Variants in CPLX1 observed in about 807,000 individuals in gnomAD.
CPLX1 encodes the protein complexin 1.
CPLX1 carries 6 observed loss-of-function variants against 15.6 expected under a neutral mutation model. The ratio of observed to expected loss-of-function variants is 0.39; its 90% confidence interval spans 0.21 to 0.76. The LOEUF (loss-of-function observed/expected upper bound fraction) is 0.76. Among genes scored for constraint, CPLX1 ranks in the 30% least tolerant of loss-of-function variants. CPLX1 has a pLI of 0.43. For synonymous variants in CPLX1, 91 were observed against 75.2 expected (o/e 1.21, Z -1.08); for missense variants, 242 against 188.6 (o/e 1.28, Z -1.66).
In CPLX1 at chr4:824,617, G is replaced by A. The variant is rs773373389; in HGVS notation, c.-79-16C>T. The A allele has an allele frequency of 1.5e-6, 2 of 1,341,938 alleles. No homozygotes were observed. The highest frequency in any genetic ancestry group is 2.3e-5 in the East Asian group (1 of 43,594). 83.1% of individuals were successfully genotyped at this position (1,341,938 alleles called of 1,614,324 possible). ...AGTGTTCTTCCTGGGGGAGAGTGAAGTGGTCACAGGTCACCCTAAGCAGGC... is the reference window on the plus strand; with the variant it reads ...AGTGTTCTTCCTGGGGGAGAGTGAAATGGTCACAGGTCACCCTAAGCAGGC... On this transcript the variant is annotated splice_polypyrimidine_tract_variant and intron_variant, in intron 1 of 3. Transcript: ENST00000304062.
intron 2 of CPLX1, among the ~76,000 whole-genome samples, chr4:808,579 C>T (rs1014386956): frequency 6.6e-6 from 1 of 152,154 alleles, no homozygotes; most frequent in African/African-American, 2.4e-5. Context: ...AGACAAATGT[C>T]AAAAGAGTCA....
intron 2 of CPLX1, among the ~76,000 whole-genome samples, chr4:824,225 G>A (rs1356866919): frequency 6.6e-6 from 1 of 152,224 alleles, no homozygotes; most frequent in African/African-American, 2.4e-5. Context: ...GCTCTGCCCC[G>A]ACCACAGCAG....
intron 2 of CPLX1, among the ~76,000 whole-genome samples, chr4:802,169 G>A (rs1254501532): frequency 2.6e-5 from 4 of 152,214 alleles, no homozygotes; most frequent in Non-Finnish European, 4.4e-5. Flanking sequence ...CCATCAACAG[G>A]TGAATAGACA....
chr4:818,824 G>A (rs564776554), intron 2 of CPLX1, among the ~76,000 whole-genome samples: 16 of 152,352 alleles, frequency 1.1e-4, no homozygotes, highest in African/African-American at 9.6e-5. Flanking sequence ...CGCTCGGTCC[G>A]CAGGCAAGGA....
rs183118344 is a variant in CPLX1, at chr4:816,379, C to T, written c.31+8113G>A. 7.4e-3 allele frequency among the ~76,000 whole-genome samples: 1,125 copies of T among 152,008 alleles called. 7 individuals are homozygous for T. The highest frequency in any genetic ancestry group is 0.018 in the African/African-American group (766 of 41,418). On this transcript the variant is annotated intron_variant, in intron 2 of 3. Transcript: ENST00000304062. The stretch of plus-strand genomic sequence containing the variant: ...GATTACAGGCGCCCACCACCACACC[C>T]GGCTAACTTTTGTGTTTTTAGTAGA...
At position 786,457 on chromosome 4, in the gene CPLX1, G is replaced by C; in HGVS notation, c.*44C>G. The stretch of plus-strand genomic sequence containing the variant: ...CAGGGGCCTCCGCGGAGGATCTGTA[G>C]GGGGAGGGGCGGGGGCTCCGCGGGG... On this transcript the variant is annotated 3_prime_UTR_variant, in exon 4 of 4. Transcript: ENST00000304062. The C allele has an allele frequency of 8.0e-6, 12 of 1,508,518 alleles. No individual in the cohort carries two copies. Among genetic ancestry groups the C allele is most frequent in the Non-Finnish European group, 9.8e-6 (11 of 1,123,332 alleles). The allele number at this position is 1,508,518 out of a possible 1,614,324, so 93.4% of individuals were successfully genotyped here.
chr4:793,351 C>T (rs886932616), intron 2 of CPLX1, among the ~76,000 whole-genome samples: 5 of 152,104 alleles, frequency 3.3e-5, no homozygotes, highest in Admixed American at 6.5e-5. Flanking sequence ...TGCAGGGGAC[C>T]GCTTGTTACT....
At chr4:797,825 C>T (rs967384741) in intron 2 of CPLX1, among the ~76,000 whole-genome samples, 4 of 151,858 alleles carry the variant, frequency 2.6e-5, no homozygotes, top group African/African-American at 7.2e-5. Context: ...CCCAGCTACT[C>T]GGGAGGCTGA....
chr4:806,732 A>G (rs867482543), intron 2 of CPLX1, among the ~76,000 whole-genome samples: 3 of 152,228 alleles, frequency 2.0e-5, no homozygotes, highest in African/African-American at 7.2e-5. Flanking sequence ...AAAGCTCAAC[A>G]TCACTGATCA....
chr4:819,297 G>A (rs1165022636), intron 2 of CPLX1, among the ~76,000 whole-genome samples: 2 of 152,180 alleles, frequency 1.3e-5, no homozygotes, highest in Admixed American at 6.5e-5. Flanking sequence ...TAATTGAGTT[G>A]CAGCTTAATC....
intron 3 of CPLX1, among the ~76,000 whole-genome samples, chr4:789,087 G>A (rs1047975658): frequency 2.6e-5 from 4 of 152,236 alleles, no homozygotes; most frequent in Admixed American, 6.5e-5. Context: ...GAGGCTCCAG[G>A]TCATTCTGAG....
intron 2 of CPLX1, among the ~76,000 whole-genome samples, chr4:797,651 A>G (rs1368129532): frequency 2.8e-5 from 4 of 145,080 alleles, no homozygotes; most frequent in Non-Finnish European, 4.5e-5. Context: ...GACTTACTGT[A>G]GGCCGGGCGC....
intron 2 of CPLX1, among the ~76,000 whole-genome samples, chr4:802,141 A>G (rs1287821322): frequency 6.6e-6 from 1 of 152,256 alleles, no homozygotes; most frequent in Non-Finnish European, 1.5e-5. Flanking sequence ...AGCCAAAACC[A>G]GAAAGCAACT....
At chr4:812,164 T>C (rs927311099) in intron 2 of CPLX1, among the ~76,000 whole-genome samples, 1 of 152,190 alleles carries the variant, frequency 6.6e-6, no homozygotes, top group African/African-American at 2.4e-5. Flanking sequence ...AACCTCTGCC[T>C]CCTGGGTTCA....
intron 2 of CPLX1, among the ~76,000 whole-genome samples, chr4:810,300 C>T (rs1200075259): frequency 3.3e-5 from 5 of 152,216 alleles, no homozygotes; most frequent in Non-Finnish European, 7.3e-5. Flanking sequence ...CCACCCGCCT[C>T]GGCCTCCCAA....
intron 2 of CPLX1, among the ~76,000 whole-genome samples, chr4:821,521 T>C (rs1746862680): frequency 6.6e-6 from 1 of 152,178 alleles, no homozygotes; most frequent in Non-Finnish European, 1.5e-5. Flanking sequence ...TTCTGCCACA[T>C]TTAGCCCCAT....
At chr4:822,798 G>A (rs1302039938) in intron 2 of CPLX1, among the ~76,000 whole-genome samples, 4 of 152,170 alleles carry the variant, frequency 2.6e-5, no homozygotes, top group South Asian at 2.1e-4. Flanking sequence ...GGACAGAGGC[G>A]CAGAGGCAGA....
intron 2 of CPLX1, among the ~76,000 whole-genome samples, chr4:801,150 TAAA>T (rs61022531): frequency 7.6e-6 from 1 of 131,906 alleles, no homozygotes; most frequent in Non-Finnish European, 1.6e-5. Flanking sequence ...CCATCTCTAC[TAAA>T]AAAAAAAAAA....
chr4:815,708 T>C (rs912980365), intron 2 of CPLX1, among the ~76,000 whole-genome samples: 10 of 152,214 alleles, frequency 6.6e-5, no homozygotes, highest in African/African-American at 1.9e-4. Context: ...TCAGCTGCAA[T>C]TGTAACAGGT....
Sources: allele counts gnomAD v4.1 joint callset (sites outside exome capture counted in the v4.1 genomes callset), GRCh38; gene constraint gnomAD v4.1.1; transcripts MANE v1.5; gene names NCBI Gene and HGNC (gene_info 2026-07-23, HGNC 2026-07-21).